The following EML4 variants were observed in gnomAD, a reference collection of about 807,000 sequenced individuals.
EML4 encodes the protein echinoderm microtubule-associated protein-like 4.
In EML4, 72 loss-of-function variants were observed where a neutral mutation model predicts 129.0. The ratio of observed to expected loss-of-function variants is 0.56; its 90% CI spans 0.46 to 0.68. The LOEUF (loss-of-function observed/expected upper bound fraction) is 0.68, where lower values mean the gene tolerates loss of function less well. EML4 is among the 30% of genes least tolerant of loss of function. The pLI is 0.00. For synonymous variants in EML4, 532 were observed against 405.0 expected (o/e 1.31, Z -3.77); for missense variants, 1,363 against 1,190.6 (o/e 1.14, Z -2.13).
Position 42,310,446 on chromosome 2 carries a change from A to G in EML4, c.1968-5516A>G, listed in dbSNP as rs549707105. On this transcript the variant is annotated intron_variant, in intron 17 of 22. Coordinates refer to ENST00000318522, the MANE Select transcript of EML4 (RefSeq NM_019063.5). ...TTGCAGCCTCTGCCTCCTGGGTTCA[A>G]GTGATTCTCATGCCTCAACCTCCCA... is the stretch of plus-strand genomic sequence containing the variant. Among the ~76,000 whole-genome samples, 140 of 152,122 alleles carry G rather than the reference A, an allele frequency of 9.2e-4. 1 individual carries two copies. Among genetic ancestry groups the G allele is most frequent in the African/African-American group, 3.0e-3 (123 of 41,502 alleles).
chr2:42,263,801 C>G (rs1300004971), intron 5 of EML4, among the ~76,000 whole-genome samples: 1 of 151,816 alleles, frequency 6.6e-6, no homozygotes, highest in Non-Finnish European at 1.5e-5. Context: ...ACAATCTTGG[C>G]TCACTGCAAC....
At chr2:42,213,787 GTTTACA>G (rs1673019579) in intron 1 of EML4, among the ~76,000 whole-genome samples, 2 of 152,140 alleles carry the variant, frequency 1.3e-5, no homozygotes, top group South Asian at 4.1e-4. Flanking sequence ...TACAAGAATA[GTTTACA>G]TTTATATTTT....
chr2:42,325,115 A>G, intron 19 of EML4: 1 of 468,130 alleles, frequency 2.1e-6, no homozygotes, highest in Admixed American at 2.3e-5. Context: ...TTCATTCTCA[A>G]AAATGGAGTC....
intron 1 of EML4, among the ~76,000 whole-genome samples, chr2:42,189,109 C>T (rs1016222784): frequency 2.0e-5 from 3 of 151,996 alleles, no homozygotes; most frequent in Admixed American, 2.0e-4. Flanking sequence ...TCAAGCAGTC[C>T]TCCCTACTCG....
intron 1 of EML4, among the ~76,000 whole-genome samples, chr2:42,222,109 A>C (rs184907436): frequency 7.9e-5 from 12 of 152,176 alleles, no homozygotes; most frequent in African/African-American, 2.9e-4. Context: ...TTAACACACC[A>C]GTGATTTCTG....
intron 21 of EML4, among the ~76,000 whole-genome samples, chr2:42,326,750 C>T (rs866891547): frequency 4.6e-5 from 7 of 152,068 alleles, no homozygotes; most frequent in Non-Finnish European, 8.8e-5. Flanking sequence ...GGCGTGGTGA[C>T]GTGCACCTGT....
intron 17 of EML4, among the ~76,000 whole-genome samples, chr2:42,311,152 G>C (rs1248049623): frequency 6.6e-6 from 1 of 152,198 alleles, no homozygotes; most frequent in African/African-American, 2.4e-5. Flanking sequence ...TACCAAAACA[G>C]ACACTCTAGG....
chr2:42,177,820 T>G (rs1670693315), intron 1 of EML4, among the ~76,000 whole-genome samples: 1 of 152,148 alleles, frequency 6.6e-6, no homozygotes, highest in Non-Finnish European at 1.5e-5. Flanking sequence ...GGACCAACAT[T>G]AGAAAAATGA....
chr2:42,328,251 A>G (rs1669917299), intron 21 of EML4, among the ~76,000 whole-genome samples: 1 of 152,236 alleles, frequency 6.6e-6, no homozygotes, highest in Admixed American at 6.5e-5. Context: ...CATAGTTTCA[A>G]TCTAGCCTAA....
intron 6 of EML4, among the ~76,000 whole-genome samples, chr2:42,265,145 C>T (rs561877873): frequency 1.3e-5 from 2 of 152,232 alleles, no homozygotes; most frequent in Admixed American, 1.3e-4. Context: ...GGGTGGAATG[C>T]AGTGGTGCAA....
chr2:42,245,122 T>C (rs866959021), intron 1 of EML4, among the ~76,000 whole-genome samples: 1 of 116,700 alleles, frequency 8.6e-6, no homozygotes, highest in Non-Finnish European at 1.8e-5. Context: ...TGAGACAGAC[T>C]CTTGCTCTGT....
chr2:42,285,580 C>G (rs1275711820), intron 9 of EML4, among the ~76,000 whole-genome samples: 1 of 148,142 alleles, frequency 6.8e-6, no homozygotes, highest in Non-Finnish European at 1.5e-5. Context: ...AGAATCCTGA[C>G]TCCACCTTTT....
At chr2:42,255,602 A>G (rs1299759595) in intron 2 of EML4, among the ~76,000 whole-genome samples, 3 of 152,240 alleles carry the variant, frequency 2.0e-5, no homozygotes, top group Admixed American at 1.3e-4. Flanking sequence ...TCTGATGACC[A>G]GTGATATTTG....
intron 6 of EML4, chr2:42,265,073 G>A (rs1461992324): frequency 1.1e-6 from 1 of 930,984 alleles, no homozygotes; most frequent in Non-Finnish European, 1.6e-6. Context: ...AGTGATTTGA[G>A]CTAGATGAAT....
intron 11 of EML4, among the ~76,000 whole-genome samples, chr2:42,291,701 C>T (rs1168064509): frequency 6.6e-6 from 1 of 152,066 alleles, no homozygotes; most frequent in Non-Finnish European, 1.5e-5. Flanking sequence ...CCACCACGCC[C>T]CGCCTATCAA....
chr2:42,254,715 G>A (rs1358727632), intron 2 of EML4, among the ~76,000 whole-genome samples: 1 of 151,918 alleles, frequency 6.6e-6, no homozygotes, highest in South Asian at 2.1e-4. Context: ...AAATGGCGCA[G>A]CCACTGTGTT....
At chr2:42,206,914 A>G (rs1672583320) in intron 1 of EML4, among the ~76,000 whole-genome samples, 1 of 152,184 alleles carries the variant, frequency 6.6e-6, no homozygotes, top group African/African-American at 2.4e-5. Flanking sequence ...CTCTTTAGCT[A>G]ATTTCTACAT....
At chr2:42,253,232 G>C (rs6732133) in intron 2 of EML4, among the ~76,000 whole-genome samples, 3,463 of 152,212 alleles carry the variant, frequency 0.023, 119 homozygotes, top group African/African-American at 0.079. Context: ...CATAGTGGAA[G>C]GTTTTCTTAC....
rs149991651 is a variant in EML4, at chr2:42,211,641, A to G, written c.26-33864A>G. Among the ~76,000 whole-genome samples, 302 of 152,286 alleles carry G rather than the reference A, an allele frequency of 2.0e-3. 2 individuals are homozygous for G. The highest frequency in any genetic ancestry group is 7.0e-3 in the African/African-American group (291 of 41,570). On this transcript the variant is annotated intron_variant, in intron 1 of 22. Transcript: ENST00000318522. ...TGTCGTTAGAGAGGTTGAAAACTTTATCCTTCCCGGAAGGTTTCATACTTT... is the reference window on the plus strand; with the variant it reads ...TGTCGTTAGAGAGGTTGAAAACTTTGTCCTTCCCGGAAGGTTTCATACTTT...
Sources: gnomAD v4.1 joint callset for allele counts (sites outside exome capture counted in the v4.1 genomes callset) on GRCh38, gnomAD v4.1.1 for gene constraint, MANE v1.5 for transcripts, NCBI Gene and HGNC (gene_info 2026-07-23, HGNC 2026-07-21) for gene names.